Variants in SLF1 observed in about 807,000 individuals in gnomAD.
SLF1 encodes the protein SMC5/6 complex localization factor 1.
A neutral mutation model predicts 123.0 loss-of-function variants in SLF1; 105 were observed. That is an observed-to-expected ratio of 0.85 (90% CI 0.73 to 1.00). The LOEUF (loss-of-function observed/expected upper bound fraction) is 1.00. SLF1 is among the 50% of genes least tolerant of loss of function. The pLI is 0.00. For synonymous variants in SLF1, 434 were observed against 406.6 expected, an observed-to-expected ratio of 1.07 and a Z score of -0.81; for missense variants, 1,239 against 1,223.0, an observed-to-expected ratio of 1.01 and a Z score of -0.20.
intron 6 of SLF1, 106 bp from the exon 7 acceptor site, chr5:94,651,596 C>A: frequency 2.2e-6 from 2 of 905,486 alleles, no homozygotes; most frequent in Non-Finnish European, 3.1e-6. Context: ...GTATATTTTA[C>A]AAAATCTATG....
intron 9 of SLF1, among the ~76,000 whole-genome samples, chr5:94,660,855 T>A (rs999025760): frequency 6.6e-6 from 1 of 152,176 alleles, no homozygotes; most frequent in Non-Finnish European, 1.5e-5. Flanking sequence ...GAGCTCCTGC[T>A]TTGGCTCCTT....
intron 15 of SLF1, among the ~76,000 whole-genome samples, chr5:94,679,340 C>G (rs745611775): frequency 1.3e-5 from 2 of 152,042 alleles, no homozygotes; most frequent in Non-Finnish European, 2.9e-5. Context: ...ACCTGTAATC[C>G]CAACCTACTT....
At chr5:94,634,206 A>G (rs1745506998) in intron 4 of SLF1, among the ~76,000 whole-genome samples, 1 of 152,136 alleles carries the variant, frequency 6.6e-6, no homozygotes, top group Non-Finnish European at 1.5e-5. Flanking sequence ...TCCTGTTATC[A>G]GTTGCATACG....
chr5:94,680,010 T>C (rs1430403298), intron 15 of SLF1, among the ~76,000 whole-genome samples: 1 of 152,218 alleles, frequency 6.6e-6, no homozygotes, highest in African/African-American at 2.4e-5. Flanking sequence ...AGTTTTTTTG[T>C]GGTTCTTACC....
At chr5:94,688,739 A>G in intron 17 of SLF1, 70 bp downstream of exon 17, 2 of 1,526,526 alleles carry the variant, frequency 1.3e-6, no homozygotes, top group Non-Finnish European at 1.8e-6. Flanking sequence ...CATTTCTTGA[A>G]CTTAATGGTT....
At chr5:94,630,935 T>C (rs993623353) in intron 4 of SLF1, among the ~76,000 whole-genome samples, 192 bp downstream of exon 4, 7 of 152,208 alleles carry the variant, frequency 4.6e-5, no homozygotes, top group Non-Finnish European at 8.8e-5. Context: ...TTTACAATAT[T>C]GTTTTAGATT....
At chr5:94,692,368 T>C in intron 20 of SLF1, 112 bp downstream of exon 20, 1 of 1,058,736 alleles carries the variant, frequency 9.4e-7, no homozygotes, top group Non-Finnish European at 1.3e-6. Flanking sequence ...ATGCCTTTAT[T>C]TCATATTAAT....
chr5:94,688,576 A>C lies in SLF1; in HGVS notation c.2192A>C (p.Lys731Thr). Residue 731 changes from lysine to threonine, a missense_variant, in exon 17 of 21, where the codon AAA becomes ACA. Lys to Thr is a moderately conservative substitution (Grantham distance 78, BLOSUM62 -1). Coordinates refer to ENST00000265140, the MANE Select transcript of SLF1 (RefSeq NM_032290.4). ...LGSGKIQVSK[K>T]IGQRPCFDSQ... ...TCTGGAAAGATTCAGGTGTCAAAGA[A>C]AATAGGACAGCGGCCTTGTTTTGAC... 1 of 1,614,110 alleles carries C rather than the reference A, an allele frequency of 6.2e-7. No individual in the cohort carries two copies. The highest frequency in any genetic ancestry group is 8.5e-7 in the Non-Finnish European group (1 of 1,179,968).
intron 4 of SLF1, among the ~76,000 whole-genome samples, chr5:94,632,511 C>T (rs1745319467): frequency 6.6e-6 from 1 of 152,100 alleles, no homozygotes; most frequent in Non-Finnish European, 1.5e-5. Context: ...TATGTATTCT[C>T]CGCTTGTTCT....
chr5:94,625,885 A>G (rs1272332083), intron 1 of SLF1, among the ~76,000 whole-genome samples: 1 of 152,118 alleles, frequency 6.6e-6, no homozygotes, highest in African/African-American at 2.4e-5. Context: ...GTTTTTATGT[A>G]TTGCTGGTCC....
At chr5:94,656,284 A>G (rs1013480392) in intron 9 of SLF1, among the ~76,000 whole-genome samples, 1 of 151,978 alleles carries the variant, frequency 6.6e-6, no homozygotes, top group Non-Finnish European at 1.5e-5. Flanking sequence ...CTTGGGATAA[A>G]TCATAGTGTA....
intron 5 of SLF1, among the ~76,000 whole-genome samples, chr5:94,647,972 A>T (rs992335907): frequency 1.3e-5 from 2 of 152,030 alleles, no homozygotes; most frequent in African/African-American, 4.8e-5. Flanking sequence ...GAAACAGTTT[A>T]TTTCTTGCCT....
upstream of SLF1, chr5:94,618,641 C>G (rs1791230652): frequency 6.5e-6 from 1 of 154,798 alleles, no homozygotes; most frequent in South Asian, 2.0e-4. Flanking sequence ...GCTTCCGGGG[C>G]TGCCTAGCGC....
chr5:94,654,560 T>G, intron 8 of SLF1, 70 bp from the exon 9 acceptor site: 3 of 1,272,278 alleles, frequency 2.4e-6, no homozygotes, highest in Non-Finnish European at 3.1e-6. Context: ...ATATTGTCCT[T>G]TGTGATATCA....
chr5:94,670,543 CT>C (rs1750320512), intron 13 of SLF1, among the ~76,000 whole-genome samples: 1 of 151,476 alleles, frequency 6.6e-6, no homozygotes, highest in South Asian at 2.1e-4. Flanking sequence ...TAAAAAAATT[CT>C]TTAGTAATTG....
At chr5:94,624,374 A>G (rs796930894) in intron 1 of SLF1, among the ~76,000 whole-genome samples, 2 of 152,300 alleles carry the variant, frequency 1.3e-5, no homozygotes, top group African/African-American at 4.8e-5. Flanking sequence ...TTTGACAGAA[A>G]ATGCTGTTAA....
intron 18 of SLF1, among the ~76,000 whole-genome samples, chr5:94,690,117 A>C (rs930108834): frequency 3.9e-5 from 6 of 152,154 alleles, no homozygotes; most frequent in Non-Finnish European, 8.8e-5. Context: ...ACTATACTGG[A>C]ACCTAAGTAC....
chr5:94,690,981 C>T (rs779282195), intron 18 of SLF1, among the ~76,000 whole-genome samples: 1 of 150,628 alleles, frequency 6.6e-6, no homozygotes, highest in East Asian at 2.0e-4. Flanking sequence ...TCCTCCATTT[C>T]TCCCTCTCTC....
At chr5:94,628,788 T>C (rs1469350654) in intron 1 of SLF1, 23 bp from the exon 2 acceptor site, 2 of 1,457,518 alleles carry the variant, frequency 1.4e-6, no homozygotes, top group Non-Finnish European at 1.9e-6. Context: ...ACACATTATC[T>C]TCTGTATGTT....
Sources: allele counts gnomAD v4.1 joint callset (sites outside exome capture counted in the v4.1 genomes callset), GRCh38; gene constraint gnomAD v4.1.1; transcripts MANE v1.5; gene names NCBI Gene and HGNC (gene_info 2026-07-23, HGNC 2026-07-21).